Variants in ETV7 observed in about 807,000 individuals in gnomAD.
The protein encoded by ETV7 is ETS variant transcription factor 7, also known as transcription factor ETV7.
In ETV7, 43 loss-of-function variants were observed where a neutral mutation model predicts 39.1. The observed-to-expected ratio is 1.10, with a 90% CI of 0.86 to 1.42. The LOEUF (loss-of-function observed/expected upper bound fraction) is 1.42. ETV7 is among the 40% of genes most tolerant of loss of function. ETV7 has a pLI of 0.00. For synonymous variants in ETV7, 196 were observed against 176.6 expected (o/e 1.11, Z -0.87); for missense variants, 432 against 442.3 (o/e 0.98, Z 0.21).
At chr6:36,358,521 G>A (rs11757885) in intron 7 of ETV7, among the ~76,000 whole-genome samples, 5,162 of 152,320 alleles carry the variant, frequency 0.034, 204 homozygotes, top group East Asian at 0.18. Context: ...AAGGTTGGAA[G>A]GGTCCCTGGC....
downstream of ETV7, among the ~76,000 whole-genome samples, chr6:36,365,434 AC>A (rs1772677716): frequency 6.6e-6 from 1 of 152,144 alleles, no homozygotes; most frequent in Non-Finnish European, 1.5e-5. Context: ...CTTTCCGACA[AC>A]CCCAGAGGTC....
chr6:36,361,953 G>A (rs745729853), downstream of ETV7, among the ~76,000 whole-genome samples: 2 of 152,084 alleles, frequency 1.3e-5, no homozygotes, highest in East Asian at 1.9e-4. Context: ...ACCTGAGGTC[G>A]AGACCAGCCT....
At chr6:36,362,481 C>T (rs1240953796), downstream of ETV7, among the ~76,000 whole-genome samples, 1 of 150,134 alleles carries the variant, frequency 6.7e-6, no homozygotes, top group East Asian at 2.0e-4. Context: ...GTGAGAAGTT[C>T]ACTTTGACAC....
At chr6:36,378,638 C>A (rs917260360) in intron 2 of ETV7, among the ~76,000 whole-genome samples, 13 of 152,122 alleles carry the variant, frequency 8.5e-5, no homozygotes, top group African/African-American at 3.1e-4. Flanking sequence ...CAAAAAAAAT[C>A]TTTCCAGCAA....
intron 1 of ETV7, among the ~76,000 whole-genome samples, 168 bp downstream of exon 1, chr6:36,387,368 G>T (rs1417856297): frequency 6.6e-6 from 1 of 152,166 alleles, no homozygotes; most frequent in Non-Finnish European, 1.5e-5. Context: ...GAGGTGGAAG[G>T]GGAAGTGAGT....
chr6:36,371,485 T>A lies in ETV7; in HGVS notation c.509A>T (p.Asn170Ile), dbSNP rs1295327914. 6.9e-6 allele frequency: 11 copies of A among 1,605,252 alleles called. No homozygotes were observed. The highest frequency in any genetic ancestry group is 9.4e-6 in the Non-Finnish European group (11 of 1,175,940). Residue 170 changes from asparagine to isoleucine, a missense_variant, in exon 5 of 8, where the codon AAC becomes ATC. Transcript: ENST00000340181. The stretch of plus-strand genomic sequence containing the variant: ...GCCAGGGTCATCCAGGTGGCCGAAG[T>A]TGCTGGTAAGCCCTGGGTCTGGTGG... ...LQPPDPGLTS[N>I]FGHLDDPGLA...
At position 36,376,024 on chromosome 6, in the gene ETV7, C is replaced by A; in HGVS notation, c.154G>T (p.Ala52Ser). The change falls in exon 3 of 8, where the codon GCA becomes TCA. Residue 52 changes from alanine to serine, a missense_variant. Physicochemically the swap from Ala to Ser is moderately conservative, Grantham distance 99 (BLOSUM62 1). Coordinates refer to ENST00000340181, the MANE Select transcript of ETV7 (RefSeq NM_016135.4). ...KLPGRLRIQP[A>S]LWSREDVLHW... ...AGCACGTCCTCCCTGCTCCACAGTG[C>A]GGGCTGGATGCCTGCAACCAGCAAG... The A allele has an allele frequency of 6.2e-7, 1 of 1,601,704 alleles. No individual in the cohort carries two copies. The highest frequency in any genetic ancestry group is 1.1e-5 in the South Asian group (1 of 91,004).
Position 36,376,976 on chromosome 6 carries a change from G to A in ETV7, c.143-941C>T, listed in dbSNP as rs1001727271. Among the ~76,000 whole-genome samples, 5 of 152,080 alleles carry A rather than the reference G, an allele frequency of 3.3e-5. No homozygotes were observed. In the South Asian group the frequency reaches 1.0e-3, roughly 31 times the overall value. ...GGGAACAGCCCAGGGGACAAAGGGA[G>A]CCTCCTACACTCACCTTCAGTGCAT... is the stretch of plus-strand genomic sequence containing the variant. On this transcript the variant is annotated intron_variant, in intron 2 of 7. Transcript: ENST00000340181.
chr6:36,367,007 A>T, intron 6 of ETV7, 32 bp from the exon 7 acceptor site: 1 of 1,542,072 alleles, frequency 6.5e-7, no homozygotes, highest in Non-Finnish European at 9.0e-7. Context: ...CATCAGCCCC[A>T]CTCCCCATGT....
chr6:36,360,142 C>T (rs1003996055), intron 7 of ETV7, among the ~76,000 whole-genome samples: 1 of 152,158 alleles, frequency 6.6e-6, no homozygotes, highest in South Asian at 2.1e-4. Context: ...CCGCCCGCCT[C>T]GGCCTCCCAA....
chr6:36,361,505 T>C (rs1772487238), downstream of ETV7, among the ~76,000 whole-genome samples: 2 of 152,216 alleles, frequency 1.3e-5, no homozygotes, highest in Non-Finnish European at 2.9e-5. Flanking sequence ...CCTAGGATCC[T>C]CTGTGACAAA....
intron 2 of ETV7, among the ~76,000 whole-genome samples, chr6:36,378,091 A>G (rs985169931): frequency 1.3e-5 from 2 of 152,254 alleles, no homozygotes; most frequent in African/African-American, 4.8e-5. Flanking sequence ...ATTGGCAAGT[A>G]TCATTGGAAA....
At chr6:36,382,631 T>C (rs1489640216) in intron 2 of ETV7, among the ~76,000 whole-genome samples, 1 of 152,204 alleles carries the variant, frequency 6.6e-6, no homozygotes, top group East Asian at 1.9e-4. Flanking sequence ...AACTTCAGCA[T>C]GGGCACCCAA....
In ETV7 at chr6:36,366,889, C is replaced by T. The variant is rs1772751474; in HGVS notation, c.894G>A (p.Gln298=). The T allele has an allele frequency of 6.2e-7, 1 of 1,613,938 alleles. No homozygotes were observed. The change falls in exon 7 of 8, where the codon CAG becomes CAA. Residue 298 remains glutamine (Q), a synonymous_variant. Coordinates refer to ENST00000340181, the MANE Select transcript of ETV7 (RefSeq NM_016135.4). ...KLNIIKKEPG[Q]KLLFRFLKTP... ...AGGCCACTCACCTGAACAGGAGTTT[C>T]TGCCCCGGTTCCTTCTTAATGATAT...
intron 5 of ETV7, among the ~76,000 whole-genome samples, chr6:36,370,821 G>A (rs1218238275): frequency 6.6e-6 from 1 of 152,178 alleles, no homozygotes; most frequent in Non-Finnish European, 1.5e-5. Context: ...GTATCATTTG[G>A]TTAGCGCTCA....
At position 36,369,008 on chromosome 6, in the gene ETV7, A is replaced by G. The variant is rs1341698268; in HGVS notation, c.728T>C (p.Ile243Thr). 6.2e-7 allele frequency: 1 copy of G among 1,614,154 alleles called. No individual in the cohort carries two copies. Among genetic ancestry groups the G allele is most frequent in the Non-Finnish European group, 8.5e-7 (1 of 1,180,014 alleles). Reference sequence around the variant, plus strand: ...CTTGGCGTCCTTGTCTTCCCACTTGATGTAGGGCTCATATCGGGTATCAAG... The same window carrying G: ...CTTGGCGTCCTTGTCTTCCCACTTGGTGTAGGGCTCATATCGGGTATCAAG... ...LLLDTRYEPY[I>T]KWEDKDAKIF... The change falls in exon 6 of 8, where the codon ATC (isoleucine) becomes ACC (threonine). Residue 243 changes from isoleucine (I) to threonine (T), a missense_variant. Ile to Thr is a moderately conservative substitution (Grantham distance 89). Coordinates refer to ENST00000340181, the MANE Select transcript of ETV7 (RefSeq NM_016135.4).
At chr6:36,376,930 A>T (rs997439207) in intron 2 of ETV7, among the ~76,000 whole-genome samples, 1 of 152,160 alleles carries the variant, frequency 6.6e-6, no homozygotes, top group Admixed American at 6.5e-5. Flanking sequence ...CATTGTGCCA[A>T]CTTGGAATCA....
chr6:36,368,017 C>A (rs938979582), intron 6 of ETV7, among the ~76,000 whole-genome samples: 2 of 152,124 alleles, frequency 1.3e-5, no homozygotes, highest in African/African-American at 4.8e-5. Flanking sequence ...ATAAGTCCTC[C>A]CGAACTTTAG....
chr6:36,370,439 G>T (rs1003521525), intron 5 of ETV7, among the ~76,000 whole-genome samples: 4 of 152,106 alleles, frequency 2.6e-5, no homozygotes, highest in Admixed American at 2.6e-4. Context: ...GGAGGCTGAG[G>T]CAGGAGAATC....
Sources: gnomAD v4.1 joint callset for allele counts (sites outside exome capture counted in the v4.1 genomes callset) on GRCh38, gnomAD v4.1.1 for gene constraint, MANE v1.5 for transcripts, NCBI Gene and HGNC (gene_info 2026-07-23, HGNC 2026-07-21) for gene names.